AHNAK: variants seen among roughly 807,000 people sequenced by gnomAD.
The protein encoded by AHNAK is neuroblast differentiation-associated protein AHNAK.
Under a neutral mutation model 37.8 loss-of-function variants are expected in AHNAK, and 23 were observed. The observed-to-expected ratio is 0.61, with a 90% CI of 0.44 to 0.86. The LOEUF is 0.86. Ranked by LOEUF, AHNAK falls within the 40% of genes least tolerant of loss-of-function variation. AHNAK has a pLI of 0.00. For synonymous variants in AHNAK, 2,481 were observed against 2,636.3 expected, an observed-to-expected ratio of 0.94 and a Z score of 1.80; for missense variants, 7,411 against 7,319.4, an observed-to-expected ratio of 1.01 and a Z score of -0.46.
Position 62,526,163 on chromosome 11 carries a change from C to A in AHNAK, c.8254G>T (p.Ala2752Ser). The A allele has an allele frequency of 6.2e-7, 1 of 1,613,512 alleles. No individual in the cohort carries two copies. The highest frequency in any genetic ancestry group is 2.2e-5 in the East Asian group (1 of 44,840). Reference protein sequence around the residue: ...DIKGPKVDIDAPDVDVHGPDW... With the variant: ...DIKGPKVDIDSPDVDVHGPDW... ...GGGCCATGAACATCAACATCAGGTGCGTCAATGTCCACTTTTGGGCCCTTG... is the reference window on the plus strand; with the variant it reads ...GGGCCATGAACATCAACATCAGGTGAGTCAATGTCCACTTTTGGGCCCTTG... The change falls in exon 5 of 5, where the codon GCA becomes TCA. Residue 2752 changes from alanine to serine, a missense_variant. Transcript: ENST00000378024.
chr11:62,527,213 C>T lies in AHNAK; in HGVS notation c.7204G>A (p.Gly2402Arg), dbSNP rs775678242. Residue 2402 changes from glycine to arginine, a missense_variant, in exon 5 of 5, where the codon GGA (glycine) becomes AGA (arginine). By Grantham distance (125) the Gly-to-Arg change is moderately radical. Transcript: ENST00000378024. Reference protein sequence around the residue: ...DLHLKSPKAKGEVDVDVPKLE... With the variant: ...DLHLKSPKAKREVDVDVPKLE... ...TTGGGAACATCTACATCCACCTCTC[C>T]TTTTGCCTTGGGGCTCTTCAAGTGT... 2 of 1,612,338 alleles carry T rather than the reference C, an allele frequency of 1.2e-6. No homozygotes were observed. Among genetic ancestry groups the T allele is most frequent in the Non-Finnish European group, 1.7e-6 (2 of 1,179,408 alleles).
In AHNAK at chr11:62,525,864, T is replaced by C; in HGVS notation, c.8553A>G (p.Gly2851=). The C allele has an allele frequency of 1.2e-6, 2 of 1,613,990 alleles. No homozygotes were observed. The highest frequency in any genetic ancestry group is 1.7e-6 in the Non-Finnish European group (2 of 1,179,988). ...DLNLTGPKIK[G]DVDVTGPKVE... ...CCTTAGGGCCTGTAACATCCACATCTCCTTTTATTTTTGGACCTGTGAGAT... is the reference window on the plus strand; with the variant it reads ...CCTTAGGGCCTGTAACATCCACATCCCCTTTTATTTTTGGACCTGTGAGAT... The change falls in exon 5 of 5, where the codon GGA becomes GGG. Residue 2851 remains glycine (G), a synonymous_variant. Transcript: ENST00000378024.
In AHNAK at chr11:62,523,414, G is replaced by A; in HGVS notation, c.11003C>T (p.Ala3668Val). The change falls in exon 5 of 5, where the codon GCC becomes GTC. Residue 3668 changes from alanine (A) to valine (V), a missense_variant. By Grantham distance (64) the Ala-to-Val change is moderately conservative. Transcript: ENST00000378024. ...KFKMPEMNIK[A>V]PKISMPDFDL... ...AAAGTCAGGCATGGAGATCTTGGGG[G>A]CTTTGATGTTCATCTCAGGCATCTT... 1 of 1,612,994 alleles carries A rather than the reference G, an allele frequency of 6.2e-7. No homozygotes were observed. The highest frequency in any genetic ancestry group is 8.5e-7 in the Non-Finnish European group (1 of 1,179,650).
chr11:62,495,475 A>G (rs142811362), intron 4 of AHNAK, among the ~76,000 whole-genome samples: 1,999 of 152,174 alleles, frequency 0.013, 46 homozygotes, highest in African/African-American at 0.045. Context: ...ACTCATGCCT[A>G]TAATCCCAGC....
rs1387424244 is a variant in AHNAK, at chr11:62,528,910, G to T, written c.5507C>A (p.Ala1836Glu). The change falls in exon 5 of 5, where the codon GCA becomes GAA. Residue 1836 changes from alanine to glutamate, a missense_variant. Physicochemically the swap from Ala to Glu is moderately radical, Grantham distance 107. Coordinates refer to ENST00000378024, the MANE Select transcript of AHNAK (RefSeq NM_001620.3). Reference sequence around the variant, plus strand: ...CTTAAACTTGGGCCCTTTCAACTTTGCATCAGGACACTCCAGATCAACATC... The same window carrying T: ...CTTAAACTTGGGCCCTTTCAACTTTTCATCAGGACACTCCAGATCAACATC... ...VPDVDLECPD[A>E]KLKGPKFKMP... The T allele has an allele frequency of 6.2e-7, 1 of 1,613,830 alleles. No homozygotes were observed. Among genetic ancestry groups the T allele is most frequent in the East Asian group, 2.2e-5 (1 of 44,864 alleles).
chr11:62,452,424 T>C (rs1186405193), intron 5 of AHNAK, among the ~76,000 whole-genome samples: 3 of 152,166 alleles, frequency 2.0e-5, no homozygotes, highest in African/African-American at 7.2e-5. Flanking sequence ...GTCTATGCTG[T>C]GATTCCACAG....
chr11:62,447,518 G>A (rs1020617441), intron 5 of AHNAK, among the ~76,000 whole-genome samples: 1 of 152,216 alleles, frequency 6.6e-6, no homozygotes, highest in Non-Finnish European at 1.5e-5. Flanking sequence ...AAAGGCAAGA[G>A]GGCCTCGGTG....
At chr11:62,539,390 G>A (rs1209821174) in intron 1 of AHNAK, among the ~76,000 whole-genome samples, 3 of 152,342 alleles carry the variant, frequency 2.0e-5, no homozygotes, top group Admixed American at 6.5e-5. Flanking sequence ...AGCAGCCAGC[G>A]AGGGGGAAAG....
intron 5 of AHNAK, among the ~76,000 whole-genome samples, chr11:62,484,892 C>T (rs1013373956): frequency 2.6e-5 from 4 of 152,176 alleles, no homozygotes; most frequent in Non-Finnish European, 4.4e-5. Context: ...CGGGTTCAGG[C>T]GATTCTCTTG....
At chr11:62,545,275 T>G (rs1941270735) in intron 1 of AHNAK, among the ~76,000 whole-genome samples, 1 of 152,234 alleles carries the variant, frequency 6.6e-6, no homozygotes, top group Non-Finnish European at 1.5e-5. Flanking sequence ...GGCCTCATTG[T>G]GCAGAGGGGC....
intron 5 of AHNAK, among the ~76,000 whole-genome samples, chr11:62,458,668 C>T (rs567624604): frequency 1.9e-4 from 29 of 152,264 alleles, no homozygotes; most frequent in African/African-American, 7.0e-4. Context: ...CTTCTTCTGC[C>T]TGTGTTATAA....
chr11:62,446,165 A>G (rs1280105196), intron 5 of AHNAK, among the ~76,000 whole-genome samples: 1 of 152,082 alleles, frequency 6.6e-6, no homozygotes, highest in African/African-American at 2.4e-5. Flanking sequence ...TGGGCAGGGA[A>G]GGGAGAAGAA....
chr11:62,478,587 C>T (rs777871437), intron 5 of AHNAK, among the ~76,000 whole-genome samples: 12 of 151,704 alleles, frequency 7.9e-5, no homozygotes, highest in Non-Finnish European at 1.6e-4. Flanking sequence ...TCTACAACAA[C>T]AACGACAAAA....
At position 62,525,009 on chromosome 11, in the gene AHNAK, G is replaced by A. The variant is rs768017830; in HGVS notation, c.9408C>T (p.Ala3136=). 2.5e-6 allele frequency: 4 copies of A among 1,613,230 alleles called. No homozygotes were observed. The highest frequency in any genetic ancestry group is 2.2e-5 in the South Asian group (2 of 91,030). The change falls in exon 5 of 5, where the codon GCC becomes GCT. Residue 3136 remains alanine, a synonymous_variant. Coordinates refer to ENST00000378024, the MANE Select transcript of AHNAK (RefSeq NM_001620.3). ...CTGGGCCTTGAACATCCACATCTGG[G>A]GCATTAATATCCACTTTGGGGCCTT... The part of the protein sequence containing the change: ...DIKGPKVDIN[A]PDVDVQGPDW...
intron 5 of AHNAK, among the ~76,000 whole-genome samples, chr11:62,479,167 C>CTTTTTTTTTTTTTTTTTTTTTTTTT (rs33929407): frequency 8.6e-6 from 1 of 116,252 alleles, no homozygotes; most frequent in Non-Finnish European, 1.7e-5. Flanking sequence ...TTTCTTTTTT[C>CTTTTTTTTTTTTTTTTTTTTTTTTT]TTTTTTTTTT....
intron 5 of AHNAK, among the ~76,000 whole-genome samples, chr11:62,446,645 G>A (rs758759352): frequency 3.9e-5 from 6 of 151,934 alleles, no homozygotes; most frequent in Non-Finnish European, 7.4e-5. Context: ...TGTCCTGGCC[G>A]GGCATCTTCA....
chr11:62,457,969 A>C (rs938136341), intron 5 of AHNAK, among the ~76,000 whole-genome samples: 4 of 143,724 alleles, frequency 2.8e-5, no homozygotes, highest in African/African-American at 1.0e-4. Context: ...GCTGGAGCGC[A>C]GTGGCGCGAT....
intron 5 of AHNAK, among the ~76,000 whole-genome samples, chr11:62,438,323 C>T (rs920547782): frequency 3.3e-5 from 5 of 151,610 alleles, no homozygotes; most frequent in Non-Finnish European, 7.4e-5. Flanking sequence ...GCTGGGATTA[C>T]AGGTGCCTGC....
At chr11:62,438,462 G>C (rs766671903) in intron 5 of AHNAK, among the ~76,000 whole-genome samples, 3 of 152,120 alleles carry the variant, frequency 2.0e-5, no homozygotes, top group Non-Finnish European at 4.4e-5. Context: ...TTACAGGCAT[G>C]AGCCATCGCA....
Sources: allele counts gnomAD v4.1 joint callset (sites outside exome capture counted in the v4.1 genomes callset), GRCh38; gene constraint gnomAD v4.1.1; transcripts MANE v1.5; gene names NCBI Gene and HGNC (gene_info 2026-07-23, HGNC 2026-07-21).